The following SLC25A46 variants were observed in gnomAD, a reference collection of about 807,000 sequenced individuals.
The protein encoded by SLC25A46 is solute carrier family 25 member 46, also known as mitochondrial outer membrane protein SLC25A46.
SLC25A46 carries 39 observed loss-of-function variants against 44.6 expected under a neutral mutation model. That is an observed-to-expected ratio of 0.87 (90% confidence interval 0.68 to 1.14). SLC25A46 has a LOEUF of 1.14. Ranked by LOEUF, SLC25A46 falls within the 50% of genes most tolerant of loss-of-function variation. The probability of loss-of-function intolerance (pLI) is 0.00; values close to 1 mark genes in which losing one functional copy is unlikely to be tolerated. For missense variants in SLC25A46, 547 were observed against 522.7 expected, an observed-to-expected ratio of 1.05 and a Z score of -0.45; for synonymous variants, 202 against 185.8, an observed-to-expected ratio of 1.09 and a Z score of -0.71.
chr5:110,742,127 A>T, intron 2 of SLC25A46, 38 bp downstream of exon 2: 3 of 1,410,822 alleles, frequency 2.1e-6, no homozygotes, highest in Non-Finnish European at 2.9e-6. Flanking sequence ...GCTTTTATTT[A>T]TTGAATTTAG....
intron 1 of SLC25A46, among the ~76,000 whole-genome samples, chr5:110,741,155 T>C (rs1285131600): frequency 6.6e-6 from 1 of 152,174 alleles, no homozygotes; most frequent in East Asian, 1.9e-4. Flanking sequence ...TTGTAACTTG[T>C]GAATATTGTA....
At position 110,756,655 on chromosome 5, in the gene SLC25A46, A is replaced by G. The variant is rs139572499; in HGVS notation, c.621-47A>G. On this transcript the variant is annotated intron_variant, in intron 6 of 7. Transcript: ENST00000355943. ...AAGCAGATATTAAAAAATTTAGTAT[A>G]AGCATCTTGTTTCAGTATACTGATA... The G allele has an allele frequency of 5.4e-4, 692 of 1,285,936 alleles. 12 individuals carry two copies. The East Asian group carries it at 0.017, about 31-fold the overall frequency. The allele number at this position is 1,285,936 out of a possible 1,614,324, so 79.7% of individuals were successfully genotyped here.
intron 5 of SLC25A46, among the ~76,000 whole-genome samples, chr5:110,748,654 A>G (rs1799880711): frequency 6.6e-6 from 1 of 152,192 alleles, no homozygotes; most frequent in African/African-American, 2.4e-5. Flanking sequence ...TGTGCCAGCA[A>G]CTGCCAGCTG....
chr5:110,739,313 G>A lies in SLC25A46; in HGVS notation c.194G>A (p.Gly65Asp). ...LHWGEKSPPY[G>D]VPTTSTPYEG... ...TGGGGCGAGAAGAGCCCGCCCTACG[G>A]CGTGCCCACCACCTCCACCCCGTAC... Residue 65 changes from glycine (G) to aspartate (D), a missense_variant, in exon 1 of 8, where the codon GGC (glycine) becomes GAC (aspartate). Gly to Asp is a moderately conservative substitution (Grantham distance 94). Coordinates refer to ENST00000355943, the MANE Select transcript of SLC25A46 (RefSeq NM_138773.4). 6.4e-7 allele frequency: 1 copy of A among 1,569,714 alleles called. No individual in the cohort carries two copies. Among genetic ancestry groups the A allele is most frequent in the African/African-American group, 1.3e-5 (1 of 74,246 alleles).
At chr5:110,743,863 A>G in intron 3 of SLC25A46, 76 bp downstream of exon 3, 3 of 1,140,770 alleles carry the variant, frequency 2.6e-6, no homozygotes, top group South Asian at 3.1e-5. Context: ...CATAAATGAC[A>G]TGAAACCAGG....
At chr5:110,742,491 A>G (rs1376693087) in intron 2 of SLC25A46, among the ~76,000 whole-genome samples, 2 of 152,144 alleles carry the variant, frequency 1.3e-5, no homozygotes, top group Admixed American at 1.3e-4. Context: ...AAGAAAAATT[A>G]CATGGCATTT....
Position 110,756,737 on chromosome 5 carries a change from C to T in SLC25A46, c.656C>T (p.Ala219Val), listed in dbSNP as rs748243789. Residue 219 changes from alanine (A) to valine (V), a missense_variant, in exon 7 of 8, where the codon GCA becomes GTA. Transcript: ENST00000355943. The stretch of plus-strand genomic sequence containing the variant: ...GTGGTGGCAATGCCTTTTTATTCAG[C>T]AAGTCTGATTGAAACAGTGCAGGTG... Reference protein sequence around the residue: ...TYVVAMPFYSASLIETVQSEI... With the variant: ...TYVVAMPFYSVSLIETVQSEI... The T allele has an allele frequency of 6.4e-7, 1 of 1,567,442 alleles. No individual in the cohort carries two copies. The highest frequency in any genetic ancestry group is 8.6e-7 in the Non-Finnish European group (1 of 1,163,708).
chr5:110,746,801 A>G (rs1196031677), intron 4 of SLC25A46, among the ~76,000 whole-genome samples: 1 of 152,184 alleles, frequency 6.6e-6, no homozygotes, highest in African/African-American at 2.4e-5. Flanking sequence ...TGATGAGGAT[A>G]GAGAAAAGGT....
At chr5:110,757,247 C>T (rs1800139930) in intron 7 of SLC25A46, among the ~76,000 whole-genome samples, 1 of 152,102 alleles carries the variant, frequency 6.6e-6, no homozygotes, top group African/African-American at 2.4e-5. Flanking sequence ...GTGGTAAATA[C>T]TACAAAGCTG....
chr5:110,740,880 A>G (rs557505671), intron 1 of SLC25A46, among the ~76,000 whole-genome samples: 51 of 152,298 alleles, frequency 3.3e-4, no homozygotes, highest in African/African-American at 1.2e-3. Flanking sequence ...TGAACCCGGG[A>G]GGCGGAGCTT....
chr5:110,755,612 A>G (rs1800092456), intron 6 of SLC25A46, 91 bp downstream of exon 6: 1 of 785,950 alleles, frequency 1.3e-6, no homozygotes, highest in Non-Finnish European at 2.0e-6. Flanking sequence ...ATAACTGTAG[A>G]GAAGGAAATT....
intron 1 of SLC25A46, among the ~76,000 whole-genome samples, chr5:110,741,292 T>A (rs1338461697): frequency 6.6e-6 from 1 of 152,216 alleles, no homozygotes; most frequent in African/African-American, 2.4e-5. Flanking sequence ...AGCTGTGAAC[T>A]TTTCCAGTAA....
chr5:110,748,324 G>A, intron 5 of SLC25A46, 61 bp downstream of exon 5: 1 of 1,352,032 alleles, frequency 7.4e-7, no homozygotes, highest in South Asian at 1.2e-5. Context: ...TTAGATGCAG[G>A]CGGTACATGT....
chr5:110,760,371 G>T (rs576245525), intron 7 of SLC25A46, among the ~76,000 whole-genome samples: 2 of 152,110 alleles, frequency 1.3e-5, no homozygotes, highest in South Asian at 4.2e-4. Context: ...AACTGATCTT[G>T]TTCTCCTTTG....
chr5:110,747,660 G>T (rs1262225967), intron 4 of SLC25A46, among the ~76,000 whole-genome samples: 1 of 152,090 alleles, frequency 6.6e-6, no homozygotes, highest in Non-Finnish European at 1.5e-5. Context: ...ATGGAGAAGA[G>T]CATGGATTTG....
At chr5:110,746,750 G>T (rs1390568012) in intron 4 of SLC25A46, among the ~76,000 whole-genome samples, 1 of 152,126 alleles carries the variant, frequency 6.6e-6, no homozygotes, top group Admixed American at 6.5e-5. Flanking sequence ...GAAAAGAAAG[G>T]CCCGAATTGT....
intron 2 of SLC25A46, 109 bp downstream of exon 2, chr5:110,742,198 G>T: frequency 1.5e-6 from 1 of 671,616 alleles, no homozygotes; most frequent in Non-Finnish European, 2.3e-6. Context: ...TTGTTTCTTT[G>T]AAGCAGCAGC....
chr5:110,756,855 T>A, intron 7 of SLC25A46, 96 bp downstream of exon 7: 2 of 705,908 alleles, frequency 2.8e-6, no homozygotes. Flanking sequence ...CAGAAAATTT[T>A]AAGACTATGT....
At chr5:110,743,964 T>C (rs1012293262) in intron 3 of SLC25A46, among the ~76,000 whole-genome samples, 177 bp downstream of exon 3, 11 of 152,146 alleles carry the variant, frequency 7.2e-5, no homozygotes, top group Non-Finnish European at 1.5e-4. Context: ...TAAATAACTT[T>C]GGTTTATGTT....
Sources: allele counts gnomAD v4.1 joint callset (sites outside exome capture counted in the v4.1 genomes callset), GRCh38; gene constraint gnomAD v4.1.1; transcripts MANE v1.5; gene names NCBI Gene and HGNC (gene_info 2026-07-23, HGNC 2026-07-21).